Variants in ZIC5 observed in about 807,000 individuals in gnomAD.
ZIC5 encodes zinc finger protein ZIC 5.
Under a neutral mutation model 28.5 loss-of-function variants are expected in ZIC5, and 20 were observed. The observed-to-expected ratio is 0.70, with a 90% CI of 0.49 to 1.02. The LOEUF (loss-of-function observed/expected upper bound fraction) is 1.02. ZIC5 is among the 50% of genes least tolerant of loss of function. ZIC5 has a pLI of 0.00. For missense variants in ZIC5, 951 were observed against 899.7 expected, an observed-to-expected ratio of 1.06 and a Z score of -0.73; for synonymous variants, 488 against 410.4, an observed-to-expected ratio of 1.19 and a Z score of -2.29.
At chr13:99,971,848 C>T (rs1296207356), upstream of ZIC5, 3 of 793,958 alleles carry the variant, frequency 3.8e-6, no homozygotes, top group Non-Finnish European at 5.9e-6. Flanking sequence ...GCGTGATTGG[C>T]AGTAGCCTCG....
At chr13:99,969,322 A>AG (rs1375637708) in intron 1 of ZIC5, among the ~76,000 whole-genome samples, 2 of 152,206 alleles carry the variant, frequency 1.3e-5, no homozygotes, top group Non-Finnish European at 2.9e-5. Context: ...TTCTCTAGAA[A>AG]GGCAGATGTC....
chr13:99,971,683 T>C lies in ZIC5; in HGVS notation c.-80A>G. ...GCCCGCCTTCAAAAACATGTATGTA[T>C]TGGGCGCTCTTTAACTTCTTTTGTC... On this transcript the variant is annotated 5_prime_UTR_variant, in exon 1 of 2. Coordinates refer to ENST00000267294, the MANE Select transcript of ZIC5 (RefSeq NM_033132.5). The C allele has an allele frequency of 6.4e-7, 1 of 1,552,798 alleles. No individual in the cohort carries two copies. Among genetic ancestry groups the C allele is most frequent in the Non-Finnish European group, 8.7e-7 (1 of 1,147,632 alleles).
chr13:99,967,678 C>A (rs917863483), intron 1 of ZIC5, among the ~76,000 whole-genome samples: 1 of 152,164 alleles, frequency 6.6e-6, no homozygotes, highest in Non-Finnish European at 1.5e-5. Context: ...CTGCTAACTC[C>A]TCCACTGCAC....
intron 1 of ZIC5, among the ~76,000 whole-genome samples, chr13:99,969,213 G>A (rs953008591): frequency 1.3e-5 from 2 of 152,222 alleles, no homozygotes; most frequent in Admixed American, 1.3e-4. Context: ...TTGAGGTGGG[G>A]TGGGAGGGTC....
intron 1 of ZIC5, 100 bp downstream of exon 1, chr13:99,970,027 A>T: frequency 6.4e-7 from 1 of 1,558,690 alleles, no homozygotes; most frequent in Middle Eastern, 1.8e-4. Context: ...GGAGAAAAAA[A>T]TTAAGGCGAG....
At chr13:99,969,618 C>T (rs955714431) in intron 1 of ZIC5, among the ~76,000 whole-genome samples, 3 of 152,154 alleles carry the variant, frequency 2.0e-5, no homozygotes, top group Non-Finnish European at 4.4e-5. Flanking sequence ...GGCCCAAATC[C>T]GGCAGCAAAT....
Position 99,970,305 on chromosome 13 carries a change from G to A in ZIC5, c.1299C>T (p.Ser433=). 1 of 1,613,580 alleles carries A rather than the reference G, an allele frequency of 6.2e-7. No individual in the cohort carries two copies. The highest frequency in any genetic ancestry group is 8.5e-7 in the Non-Finnish European group (1 of 1,179,784). The change falls in exon 1 of 2, where the codon AGC becomes AGT. Residue 433 remains serine (S), a synonymous_variant. Transcript: ENST00000267294. ...VEHVGGPEQS[S]HVCFWEDCPR... is the part of the protein sequence containing the mutation. ...GACAGTCCTCCCAGAAGCAGACGTGGCTGCTCTGCTCGGGGCCTCCCACGT... is the reference window on the plus strand; with the variant it reads ...GACAGTCCTCCCAGAAGCAGACGTGACTGCTCTGCTCGGGGCCTCCCACGT...
chr13:99,970,793 C>A lies in ZIC5; in HGVS notation c.811G>T (p.Glu271Ter). The change falls in exon 1 of 2, where the codon GAG (glutamate) becomes TAG (stop). Residue 271 changes from glutamate (E) to a stop codon, truncating the protein, a stop_gained. Coordinates refer to ENST00000267294, the MANE Select transcript of ZIC5 (RefSeq NM_033132.5). LOFTEE classifies it high-confidence loss of function. ...GGCGGTTCGGCGCGGCCGTACAGCT[C>A]AGCCGCCGCGGCTGCCGCTGCCGCC... ...LAAAAAAAAA[E>*]LYGRAEPPFA... The A allele has an allele frequency of 8.4e-7, 1 of 1,195,956 alleles. No homozygotes were observed. The highest frequency in any genetic ancestry group is 3.7e-5 in the South Asian group (1 of 27,284). 74.1% of individuals were successfully genotyped at this position (1,195,956 alleles called of 1,614,324 possible).
chr13:99,970,274 C>G lies in ZIC5; in HGVS notation c.1330G>C (p.Glu444Gln), dbSNP rs372480551. Residue 444 changes from glutamate (E) to glutamine (Q), a missense_variant, in exon 1 of 2, where the codon GAG becomes CAG. Glu to Gln is a conservative substitution (Grantham distance 29). This residue lies in a region of ZIC5 where 784 missense variants were observed against 660.1 expected (regional missense o/e 1.19). Transcript: ENST00000267294. ...TATTTGGCCTTGAAGGGCTTGCCCT[C>G]GCGCGGACAGTCCTCCCAGAAGCAG... ...HVCFWEDCPREGKPFKAKYKL... is the reference protein window; with the variant it reads ...HVCFWEDCPRQGKPFKAKYKL... 18 of 1,613,784 alleles carry G rather than the reference C, an allele frequency of 1.1e-5. No homozygotes were observed. In the African/African-American group the frequency reaches 2.0e-4, roughly 18 times the overall value.
chr13:99,970,455 G>C lies in ZIC5; in HGVS notation c.1149C>G (p.Ala383=), dbSNP rs756285725. The C allele has an allele frequency of 9.3e-7, 1 of 1,071,058 alleles. No homozygotes were observed. The highest frequency in any genetic ancestry group is 4.9e-5 in the Admixed American group (1 of 20,242). 66.3% of individuals were successfully genotyped at this position (1,071,058 alleles called of 1,614,324 possible). A position where few individuals can be genotyped will look rare whatever the true frequency, so the allele number is the denominator to read the frequency against. The change falls in exon 1 of 2, where the codon GCC becomes GCG. Residue 383 remains alanine, a synonymous_variant. Transcript: ENST00000267294. ...GCGGCGGCGGCGGCGGCGGCAGCCC[G>C]GCCAGCTCGTCGGGGTCGATCCACT... ...ICKWIDPDEL[A]GLPPPPPPPP...
chr13:99,965,888 C>T, intron 1 of ZIC5, 69 bp from the exon 2 acceptor site: 2 of 1,502,122 alleles, frequency 1.3e-6, no homozygotes, highest in Admixed American at 3.9e-5. Flanking sequence ...AATCTTGAAG[C>T]AGAACCAAGG....
At position 99,970,365 on chromosome 13, in the gene ZIC5, G is replaced by T; in HGVS notation, c.1239C>A (p.Thr413=). 6.3e-7 allele frequency: 1 copy of T among 1,599,642 alleles called. No homozygotes were observed. Among genetic ancestry groups the T allele is most frequent in the Non-Finnish European group, 8.5e-7 (1 of 1,174,528 alleles). ...TGACGTGATTCACCAGCTCGTGCAT[G>T]GTGCCGAAAGTTTTGGAGCAGGGCT... ...GAKPCSKTFG[T]MHELVNHVTV... is the part of the protein sequence containing the mutation. Residue 413 remains threonine (T), a synonymous_variant, in exon 1 of 2, where the codon ACC becomes ACA. Coordinates refer to ENST00000267294, the MANE Select transcript of ZIC5 (RefSeq NM_033132.5).
chr13:99,969,274 C>T (rs916019100), intron 1 of ZIC5, among the ~76,000 whole-genome samples: 2 of 152,166 alleles, frequency 1.3e-5, no homozygotes, highest in African/African-American at 4.8e-5. Context: ...TAGGCCTCAC[C>T]GATGGTGGGA....
Position 99,966,509 on chromosome 13 carries a change from G to T in ZIC5, c.1478-690C>A, listed in dbSNP as rs545826939. On this transcript the variant is annotated intron_variant, in intron 1 of 1. Coordinates refer to ENST00000267294, the MANE Select transcript of ZIC5 (RefSeq NM_033132.5). ...TACAGGGCTAGCTGGGCAGAGAACA[G>T]GCTGTTGACCTCTGCATTCTACAGC... 1.3e-3 allele frequency among the ~76,000 whole-genome samples: 192 copies of T among 152,306 alleles called. 2 individuals are homozygous for T. Among genetic ancestry groups the T allele is most frequent in the Middle Eastern group, 0.01 (3 of 294 alleles).
rs779649550 is a variant in ZIC5 at position 99,971,094 on chromosome 13, G to T, written c.510C>A (p.Ser170Arg). Residue 170 changes from serine (S) to arginine (R), a missense_variant, in exon 1 of 2, where the codon AGC becomes AGA. By Grantham distance (110) the Ser-to-Arg change is moderately radical (BLOSUM62 -1). Coordinates refer to ENST00000267294, the MANE Select transcript of ZIC5 (RefSeq NM_033132.5). The stretch of plus-strand genomic sequence containing the variant: ...GGTCCCTCCGGAGGACGAAGTCCCT[G>T]CTGTGGCCTTTGCCGCTGCTGCCGC... ...GGGGSSGKGH[S>R]RDFVLRRDLS... 9.0e-6 allele frequency: 13 copies of T among 1,439,690 alleles called. No individual in the cohort carries two copies. Among genetic ancestry groups the T allele is most frequent in the Non-Finnish European group, 1.2e-5 (13 of 1,106,450 alleles). The allele number at this position is 1,439,690 out of a possible 1,614,324, so 89.2% of individuals were successfully genotyped here.
Position 99,970,188 on chromosome 13 carries a change from G to GGGGAAAGGGCA in ZIC5, c.1405_1415dup (p.Gly473AlafsTer76). On this transcript the variant is annotated frameshift_variant, in exon 1 of 2. Coordinates refer to ENST00000267294, the MANE Select transcript of ZIC5 (RefSeq NM_033132.5). LOFTEE classifies it high-confidence loss of function. ...AGCGCGCGAAGACCTTGCCGCAGCC[G>GGGGAAAGGGCA]GGGAAAGGGCAGGGAAAGGGCTTCT... 6.2e-7 allele frequency: 1 copy of GGGGAAAGGGCA among 1,613,030 alleles called. No individual in the cohort carries two copies. Among genetic ancestry groups the GGGGAAAGGGCA allele is most frequent in the Non-Finnish European group, 8.5e-7 (1 of 1,179,590 alleles).
At chr13:99,966,535 T>G (rs1393196424) in intron 1 of ZIC5, among the ~76,000 whole-genome samples, 1 of 152,218 alleles carries the variant, frequency 6.6e-6, no homozygotes, top group Non-Finnish European at 1.5e-5. Flanking sequence ...ATTCTACAGC[T>G]TTCCTCACTA....
rs1423481773 is a variant in ZIC5 at position 99,970,595 on chromosome 13, G to GCGGCGC, written c.1003_1008dup (p.Ala335_Pro336dup). ...TGCTGCGCGGGCGCCGGCGGCGGCG[G>GCGGCGC]CGGCGCCGGGGGCGGCGCGTGGTGC... On this transcript the variant is annotated inframe_insertion, in exon 1 of 2. Coordinates refer to ENST00000267294, the MANE Select transcript of ZIC5 (RefSeq NM_033132.5). 13 of 996,328 alleles carry GCGGCGC rather than the reference G, an allele frequency of 1.3e-5. No individual in the cohort carries two copies. Among genetic ancestry groups the GCGGCGC allele is most frequent in the African/African-American group, 3.5e-5 (2 of 56,596 alleles). 61.7% of individuals were successfully genotyped at this position (996,328 alleles called of 1,614,324 possible).
Position 99,971,151 on chromosome 13 carries a change from G to T in ZIC5, c.453C>A (p.Leu151=). The T allele has an allele frequency of 4.3e-6, 6 of 1,382,186 alleles. No individual in the cohort carries two copies. The highest frequency in any genetic ancestry group is 5.6e-6 in the Non-Finnish European group (6 of 1,076,618). The allele number at this position is 1,382,186 out of a possible 1,614,324, so 85.6% of individuals were successfully genotyped here. The change falls in exon 1 of 2, where the codon CTC becomes CTA. Residue 151 remains leucine, a synonymous_variant. Transcript: ENST00000267294. The part of the protein sequence containing the change: ...PPPPPPPPPA[L]SGYTTTNSGG... ...CACTGTTGGTGGTGGTGTAGCCCGA[G>T]AGGGCAGGAGGAGGAGGAGGCGGGG...
Sources: allele counts gnomAD v4.1 joint callset (sites outside exome capture counted in the v4.1 genomes callset), GRCh38; gene constraint gnomAD v4.1.1; regional missense constraint gnomAD v4.1.1; transcripts MANE v1.5; gene names NCBI Gene and HGNC (gene_info 2026-07-23, HGNC 2026-07-21).